The following SMC6 variants were observed in gnomAD, a reference collection of about 807,000 sequenced individuals.
The protein encoded by SMC6 is structural maintenance of chromosomes protein 6.
SMC6 carries 79 observed loss-of-function variants against 142.2 expected under a neutral mutation model. That is an observed-to-expected ratio of 0.56 (90% CI 0.46 to 0.67). The LOEUF is 0.67. Among genes scored for constraint, SMC6 ranks in the 30% least tolerant of loss-of-function variants. The probability of loss-of-function intolerance (pLI) is 0.00; values close to 1 mark genes in which losing one functional copy is unlikely to be tolerated. For missense variants in SMC6, 1,072 were observed against 1,284.0 expected, an observed-to-expected ratio of 0.83 and a Z score of 2.52; for synonymous variants, 411 against 412.4, an observed-to-expected ratio of 1.00 and a Z score of 0.04.
chr2:17,740,804 C>T (rs75179928), intron 4 of SMC6: 2 of 387,574 alleles, frequency 5.2e-6, no homozygotes, highest in Admixed American at 3.0e-5. Context: ...GAGCCGAGAT[C>T]GCACCACTGC....
At chr2:17,749,464 C>A (rs1415082668) in intron 2 of SMC6, among the ~76,000 whole-genome samples, 1 of 152,104 alleles carries the variant, frequency 6.6e-6, no homozygotes, top group Non-Finnish European at 1.5e-5. Context: ...CCAAGGCAGG[C>A]GGATCACGAG....
chr2:17,690,953 C>T (rs1201147949), intron 23 of SMC6, among the ~76,000 whole-genome samples: 2 of 150,842 alleles, frequency 1.3e-5, no homozygotes, highest in Non-Finnish European at 3.0e-5. Context: ...GGAGTTTATA[C>T]TACTAAAAAA....
chr2:17,702,680 C>T (rs1166088350), intron 19 of SMC6, among the ~76,000 whole-genome samples: 1 of 152,074 alleles, frequency 6.6e-6, no homozygotes, highest in African/African-American at 2.4e-5. Flanking sequence ...ATAATTGAAC[C>T]ATGGAGGCAG....
chr2:17,749,704 T>G (rs776391929), intron 2 of SMC6, among the ~76,000 whole-genome samples: 5 of 151,784 alleles, frequency 3.3e-5, no homozygotes, highest in Non-Finnish European at 5.9e-5. Flanking sequence ...AAAAAAAAAA[T>G]TAATAACCAA....
In SMC6 at chr2:17,753,039, A is replaced by C; in HGVS notation, c.-67T>G. The C allele has an allele frequency of 1.0e-6, 1 of 984,890 alleles. No individual in the cohort carries two copies. Among genetic ancestry groups the C allele is most frequent in the Non-Finnish European group, 1.2e-6 (1 of 829,466 alleles). 61.0% of individuals were successfully genotyped at this position (984,890 alleles called of 1,614,324 possible). A position where few individuals can be genotyped will look rare whatever the true frequency, so the allele number is the denominator to read the frequency against. On this transcript the variant is annotated 5_prime_UTR_variant, in exon 2 of 28. It adds an upstream start codon to the 5' untranslated region. Coordinates refer to ENST00000448223, the MANE Select transcript of SMC6 (RefSeq NM_001142286.2). The stretch of plus-strand genomic sequence containing the variant: ...TAGAGTCCTGTTTTCCGCAATTCCC[A>C]ATTGGGATTCTTCTCCGGTTCATTT...
chr2:17,722,843 T>C (rs950438400), intron 9 of SMC6, among the ~76,000 whole-genome samples: 1 of 152,124 alleles, frequency 6.6e-6, no homozygotes, highest in Non-Finnish European at 1.5e-5. Context: ...GCTTATATAC[T>C]AATAGCACAC....
At chr2:17,720,004 T>C (rs1307932278) in intron 11 of SMC6, among the ~76,000 whole-genome samples, 3 of 152,112 alleles carry the variant, frequency 2.0e-5, no homozygotes, top group Non-Finnish European at 4.4e-5. Flanking sequence ...GTAAGTAAGC[T>C]ACACTGGCAC....
At chr2:17,668,577 TAAATA>T (rs1666611900) in intron 26 of SMC6, among the ~76,000 whole-genome samples, 1 of 151,936 alleles carries the variant, frequency 6.6e-6, no homozygotes, top group South Asian at 2.1e-4. Flanking sequence ...ATTTTTATCT[TAAATA>T]AAAGTATAAA....
chr2:17,741,774 T>A (rs369841675), intron 3 of SMC6, 45 bp from the exon 4 acceptor site: 181 of 1,278,682 alleles, frequency 1.4e-4, no homozygotes, highest in Middle Eastern at 4.1e-4. Context: ...TCTAATTCAC[T>A]CATTATAACC....
rs35471536 is a variant in SMC6, at chr2:17,726,087, TAAAAA to T, written c.624+297_624+301del. On this transcript the variant is annotated intron_variant, in intron 8 of 27. Transcript: ENST00000448223. ...TGGAAGACAGAGCAAGGCTCTGTCT[TAAAAA>T]AAAAAAAAAAAAAAAAAAAAAAGAT... 8.0e-4 allele frequency among the ~76,000 whole-genome samples: 44 copies of T among 54,968 alleles called. 1 individual carries two copies. Among genetic ancestry groups the T allele is most frequent in the African/African-American group, 3.3e-3 (36 of 11,034 alleles). The allele number at this position is 54,968 out of a possible 152,430, so 36.1% of individuals were successfully genotyped here.
chr2:17,680,702 C>T (rs531872759), intron 24 of SMC6: 16 of 152,094 alleles, frequency 1.1e-4, no homozygotes, highest in Non-Finnish European at 2.1e-4. Context: ...TCTTCTGAGC[C>T]GTAGGACTCA....
chr2:17,731,333 G>T (rs1158691741), intron 6 of SMC6, among the ~76,000 whole-genome samples, 194 bp from the exon 7 acceptor site: 1 of 152,162 alleles, frequency 6.6e-6, no homozygotes, highest in African/African-American at 2.4e-5. Flanking sequence ...ATGCAATAAT[G>T]GTGCTTATCT....
chr2:17,734,859 A>G (rs1014753684), intron 5 of SMC6, among the ~76,000 whole-genome samples: 1 of 151,970 alleles, frequency 6.6e-6, no homozygotes, highest in African/African-American at 2.4e-5. Flanking sequence ...AGCCTCCCCA[A>G]TAGCTGAGAT....
At chr2:17,713,765 G>A (rs1668943652) in intron 16 of SMC6, among the ~76,000 whole-genome samples, 2 of 152,154 alleles carry the variant, frequency 1.3e-5, no homozygotes, top group African/African-American at 4.8e-5. Flanking sequence ...AAATGCAAAT[G>A]CTATTTTTTG....
At chr2:17,688,452 C>T (rs1031249140) in intron 23 of SMC6, among the ~76,000 whole-genome samples, 1 of 152,054 alleles carries the variant, frequency 6.6e-6, no homozygotes, top group African/African-American at 2.4e-5. Context: ...GTAATCCCAG[C>T]ACTTTGGGAG....
chr2:17,697,920 T>C (rs1321917735), intron 21 of SMC6, among the ~76,000 whole-genome samples: 10 of 152,070 alleles, frequency 6.6e-5, no homozygotes, highest in Non-Finnish European at 5.9e-5. Flanking sequence ...TGTCCATCAA[T>C]TGATGAATGC....
chr2:17,690,831 G>T (rs1360120712), intron 23 of SMC6, among the ~76,000 whole-genome samples: 1 of 151,664 alleles, frequency 6.6e-6, no homozygotes, highest in South Asian at 2.1e-4. Context: ...TCAGAAAAAA[G>T]AATCTAAGAA....
intron 5 of SMC6, among the ~76,000 whole-genome samples, chr2:17,735,984 C>G (rs772906709): frequency 1.6e-4 from 25 of 152,164 alleles, no homozygotes; most frequent in Non-Finnish European, 3.1e-4. Flanking sequence ...AACCATTCTT[C>G]AGGCAAAGTG....
intron 16 of SMC6, among the ~76,000 whole-genome samples, chr2:17,712,370 G>A (rs1386720752): frequency 6.6e-6 from 1 of 152,120 alleles, no homozygotes; most frequent in Non-Finnish European, 1.5e-5. Context: ...TTTTTAAATG[G>A]TTAATAGAGT....
Sources: gnomAD v4.1 joint callset for allele counts (sites outside exome capture counted in the v4.1 genomes callset) on GRCh38, gnomAD v4.1.1 for gene constraint, MANE v1.5 for transcripts, NCBI Gene and HGNC (gene_info 2026-07-23, HGNC 2026-07-21) for gene names.